Variants in SORCS1 observed in about 807,000 individuals in gnomAD.
SORCS1 encodes VPS10 domain-containing receptor SorCS1.
Under a neutral mutation model 146.1 loss-of-function variants are expected in SORCS1, and 60 were observed. The ratio of observed to expected loss-of-function variants is 0.41; its 90% CI spans 0.33 to 0.51. The LOEUF (loss-of-function observed/expected upper bound fraction) is 0.51. Ranked by LOEUF, SORCS1 falls within the 20% of genes least tolerant of loss-of-function variation. The pLI is 0.21. For missense variants in SORCS1, 1,352 were observed against 1,487.6 expected, an observed-to-expected ratio of 0.91 and a Z score of 1.50; for synonymous variants, 637 against 584.0, an observed-to-expected ratio of 1.09 and a Z score of -1.31.
intron 2 of SORCS1, among the ~76,000 whole-genome samples, chr10:106,892,612 A>G (rs1951279184): frequency 6.6e-6 from 1 of 152,134 alleles, no homozygotes; most frequent in Non-Finnish European, 1.5e-5. Context: ...CATTCTACTT[A>G]TTTCACAATT....
intron 17 of SORCS1, among the ~76,000 whole-genome samples, chr10:106,666,061 C>A (rs142925189): frequency 6.6e-6 from 1 of 152,062 alleles, no homozygotes. Context: ...AGGATGGTCT[C>A]GATCTCCTGA....
intron 18 of SORCS1, among the ~76,000 whole-genome samples, chr10:106,647,007 G>GTATATATATATATA (rs57891596): frequency 7.4e-6 from 1 of 134,230 alleles, no homozygotes; most frequent in African/African-American, 2.7e-5. Flanking sequence ...GTTTGTATGT[G>GTATATATATATATA]TATATATATA....
At chr10:107,037,479 A>G (rs752295809) in intron 1 of SORCS1, among the ~76,000 whole-genome samples, 10 of 152,248 alleles carry the variant, frequency 6.6e-5, no homozygotes, top group African/African-American at 1.7e-4. Context: ...TTGCATTTCT[A>G]TCTGGCTCCC....
intron 1 of SORCS1, among the ~76,000 whole-genome samples, chr10:106,983,107 G>GTT (rs398114729): frequency 7.6e-6 from 1 of 130,944 alleles, no homozygotes; most frequent in African/African-American, 2.8e-5. Flanking sequence ...CTCAGAGGAG[G>GTT]TTATATATAT....
intron 2 of SORCS1, among the ~76,000 whole-genome samples, chr10:106,913,035 C>A (rs10884374): frequency 6.6e-6 from 1 of 150,958 alleles, no homozygotes. Context: ...AAAGCCAGAT[C>A]GTGAGCCTGT....
chr10:106,922,214 C>T (rs4918269), intron 2 of SORCS1, among the ~76,000 whole-genome samples: 6 of 151,828 alleles, frequency 4.0e-5, no homozygotes, highest in East Asian at 3.9e-4. Context: ...ATTTCAGAGG[C>T]GGGTTCCAGG....
chr10:107,046,584 T>TA (rs1277939068), intron 1 of SORCS1, among the ~76,000 whole-genome samples: 11 of 152,144 alleles, frequency 7.2e-5, no homozygotes, highest in African/African-American at 2.7e-4. Flanking sequence ...TGCAGAGGTT[T>TA]AAAAACTCTT....
At chr10:106,844,157 A>T (rs139112890) in intron 2 of SORCS1, among the ~76,000 whole-genome samples, 1 of 152,168 alleles carries the variant, frequency 6.6e-6, no homozygotes, top group African/African-American at 2.4e-5. Context: ...ACATCTTTTC[A>T]TATACTATTG....
intron 19 of SORCS1, among the ~76,000 whole-genome samples, chr10:106,624,505 C>A (rs1274187594): frequency 6.6e-6 from 1 of 151,768 alleles, no homozygotes; most frequent in African/African-American, 2.4e-5. Flanking sequence ...GGATTACAGG[C>A]GCCTGCTATC....
Position 107,141,093 on chromosome 10 carries a change from C to T in SORCS1, c.558+22876G>A, listed in dbSNP as rs113208945. 5.6e-3 allele frequency among the ~76,000 whole-genome samples: 852 copies of T among 152,286 alleles called. 9 individuals carry two copies. The highest frequency in any genetic ancestry group is 0.019 in the African/African-American group (804 of 41,552). ...AAAATGAGGACACTGGAGAAGATGA[C>T]CTCAGAGATCTTTCTTCTTCGTAAG... On this transcript the variant is annotated intron_variant, in intron 1 of 25. Coordinates refer to ENST00000263054, the MANE Select transcript of SORCS1 (RefSeq NM_052918.5).
At chr10:106,653,851 T>C (rs988399277) in intron 17 of SORCS1, among the ~76,000 whole-genome samples, 1 of 152,184 alleles carries the variant, frequency 6.6e-6, no homozygotes, top group East Asian at 1.9e-4. Flanking sequence ...ATTATTTCTA[T>C]TTAATATTAT....
chr10:107,013,425 G>T (rs1957765899), intron 1 of SORCS1, among the ~76,000 whole-genome samples: 1 of 151,984 alleles, frequency 6.6e-6, no homozygotes, highest in Admixed American at 6.5e-5. Context: ...TCAGATCTGG[G>T]TTAACCTGGA....
chr10:106,891,615 T>C (rs1951240948), intron 2 of SORCS1, among the ~76,000 whole-genome samples: 1 of 151,684 alleles, frequency 6.6e-6, no homozygotes, highest in South Asian at 2.1e-4. Context: ...TCCTCCCACT[T>C]TGGCCTTCCA....
intron 2 of SORCS1, among the ~76,000 whole-genome samples, chr10:106,909,812 T>C (rs532126204): frequency 6.0e-4 from 91 of 152,272 alleles, no homozygotes; most frequent in African/African-American, 2.0e-3. Context: ...TATGCACGTA[T>C]ACACACACAC....
At chr10:106,696,364 C>G (rs533465573) in intron 9 of SORCS1, among the ~76,000 whole-genome samples, 9 of 152,308 alleles carry the variant, frequency 5.9e-5, no homozygotes, top group African/African-American at 2.2e-4. Context: ...TCCTGCTAGC[C>G]AGAACAATCA....
chr10:106,851,784 G>A (rs575808068), intron 2 of SORCS1, among the ~76,000 whole-genome samples: 1 of 152,338 alleles, frequency 6.6e-6, no homozygotes, highest in South Asian at 2.1e-4. Context: ...TATAGATCAA[G>A]TTGAGAAGAA....
chr10:107,153,970 T>C (rs770510268), intron 1 of SORCS1, among the ~76,000 whole-genome samples: 21 of 151,870 alleles, frequency 1.4e-4, no homozygotes, highest in Non-Finnish European at 3.1e-4. Context: ...AAAAACTGTT[T>C]CAAACCCTTA....
intron 15 of SORCS1, among the ~76,000 whole-genome samples, chr10:106,672,289 C>T (rs1851666991): frequency 6.6e-6 from 1 of 152,122 alleles, no homozygotes; most frequent in Admixed American, 6.5e-5. Context: ...AAGGGAGAGA[C>T]ACTTCCATCC....
At chr10:106,679,519 T>G in intron 11 of SORCS1, 113 bp downstream of exon 11, 1 of 1,071,902 alleles carries the variant, frequency 9.3e-7, no homozygotes. Context: ...GCTTGCTCAT[T>G]AAGTTCCAAG....
Sources: gnomAD v4.1 joint callset for allele counts (sites outside exome capture counted in the v4.1 genomes callset) on GRCh38, gnomAD v4.1.1 for gene constraint, MANE v1.5 for transcripts, NCBI Gene and HGNC (gene_info 2026-07-23, HGNC 2026-07-21) for gene names.